SGCD: variants seen among roughly 807,000 people sequenced by gnomAD.
SGCD encodes sarcoglycan delta.
In SGCD, 18 loss-of-function variants were observed where a neutral mutation model predicts 36.6. The ratio of observed to expected loss-of-function variants is 0.49; its 90% CI spans 0.34 to 0.73. SGCD has a LOEUF of 0.73. SGCD is among the 30% of genes least tolerant of loss of function. SGCD has a pLI of 0.01. For missense variants in SGCD, 387 were observed against 346.7 expected, an observed-to-expected ratio of 1.12 and a Z score of -0.92; for synonymous variants, 133 against 130.6, an observed-to-expected ratio of 1.02 and a Z score of -0.12.
At chr5:156,409,796 A>G (rs1436188120) in intron 3 of SGCD, among the ~76,000 whole-genome samples, 2 of 152,218 alleles carry the variant, frequency 1.3e-5, no homozygotes, top group African/African-American at 4.8e-5. Context: ...GTAGCTATTA[A>G]TATTATCTGC....
At chr5:156,715,108 A>G (rs1436721814) in intron 7 of SGCD, among the ~76,000 whole-genome samples, 1 of 152,190 alleles carries the variant, frequency 6.6e-6, no homozygotes, top group Non-Finnish European at 1.5e-5. Context: ...TCAGGAAACC[A>G]TCTTCCATTC....
chr5:156,584,892 G>A (rs1244293299), intron 4 of SGCD, among the ~76,000 whole-genome samples: 2 of 152,052 alleles, frequency 1.3e-5, no homozygotes, highest in East Asian at 3.8e-4. Flanking sequence ...CTCACTCTCT[G>A]TTGACTCTTA....
At chr5:156,076,871 G>A (rs543802789) in intron 1 of SGCD, among the ~76,000 whole-genome samples, 169 of 152,226 alleles carry the variant, frequency 1.1e-3, no homozygotes, top group Non-Finnish European at 2.1e-3. Context: ...TGTATAAGGC[G>A]TCAATGACTT....
intron 3 of SGCD, among the ~76,000 whole-genome samples, chr5:156,306,556 C>CACTGTATT (rs1310645910): frequency 6.6e-6 from 1 of 152,204 alleles, no homozygotes; most frequent in Non-Finnish European, 1.5e-5. Context: ...GTCTCACCAT[C>CACTGTATT]ACTGTATTCT....
intron 1 of SGCD, among the ~76,000 whole-genome samples, chr5:156,006,321 C>A (rs1354765264): frequency 6.6e-6 from 1 of 152,102 alleles, no homozygotes; most frequent in Admixed American, 6.5e-5. Context: ...AATTCAGTAC[C>A]AAAGTCAAAA....
At chr5:156,300,007 T>A (rs1412075582) in intron 3 of SGCD, among the ~76,000 whole-genome samples, 1 of 152,134 alleles carries the variant, frequency 6.6e-6, no homozygotes, top group African/African-American at 2.4e-5. Context: ...CTTGTCATGT[T>A]CCTGATCTCG....
intron 4 of SGCD, among the ~76,000 whole-genome samples, chr5:156,523,418 T>G (rs1364295232): frequency 1.3e-5 from 2 of 152,142 alleles, no homozygotes; most frequent in African/African-American, 4.8e-5. Flanking sequence ...TTATGGATGA[T>G]CTAATCACTG....
intron 4 of SGCD, among the ~76,000 whole-genome samples, chr5:156,521,016 CAAAAAAAAAAAA>C (rs3075012): frequency 1.8e-5 from 1 of 56,740 alleles, no homozygotes; most frequent in Non-Finnish European, 3.4e-5. Flanking sequence ...GACTCCGTCT[CAAAAAAAAAAAA>C]AAAAAAAAAA....
intron 3 of SGCD, among the ~76,000 whole-genome samples, chr5:156,455,707 C>T (rs924588491): frequency 6.6e-6 from 1 of 152,138 alleles, no homozygotes; most frequent in African/African-American, 2.4e-5. Context: ...TGATTGAAGG[C>T]TTGATTTTTA....
chr5:156,247,631 A>C (rs534476316), intron 3 of SGCD, among the ~76,000 whole-genome samples: 2,383 of 152,352 alleles, frequency 0.016, 36 homozygotes, highest in Non-Finnish European at 0.024. Context: ...GAAAGAAATC[A>C]AAAGGATGTT....
chr5:155,999,943 A>G (rs1379245929), intron 1 of SGCD, among the ~76,000 whole-genome samples: 1 of 152,206 alleles, frequency 6.6e-6, no homozygotes, highest in African/African-American at 2.4e-5. Context: ...AAACGTTATG[A>G]ATCATGTTAG....
chr5:155,755,704 C>G, the SGCD span, among the ~76,000 whole-genome samples: 5 of 152,242 alleles, frequency 3.3e-5, no homozygotes, highest in East Asian at 5.8e-4. Flanking sequence ...TTCTTGTAAC[C>G]CTGACAATAT....
At chr5:156,416,406 G>A (rs956453132) in intron 3 of SGCD, among the ~76,000 whole-genome samples, 1 of 151,978 alleles carries the variant, frequency 6.6e-6, no homozygotes, top group African/African-American at 2.4e-5. Flanking sequence ...CTACACGTTG[G>A]GTACAGTGTA....
chr5:156,350,411 G>C (rs1165607670), intron 3 of SGCD, among the ~76,000 whole-genome samples: 1 of 151,744 alleles, frequency 6.6e-6, no homozygotes, highest in Non-Finnish European at 1.5e-5. Flanking sequence ...GATGTCATCT[G>C]AAAGTGTTTG....
intron 6 of SGCD, among the ~76,000 whole-genome samples, chr5:156,624,431 A>C (rs1263636420): frequency 6.6e-6 from 1 of 152,094 alleles, no homozygotes; most frequent in African/African-American, 2.4e-5. Context: ...AATACAAAAA[A>C]TTAGCCGGGC....
At chr5:156,268,163 T>A (rs1340927876) in intron 3 of SGCD, among the ~76,000 whole-genome samples, 2 of 152,218 alleles carry the variant, frequency 1.3e-5, no homozygotes, top group Non-Finnish European at 2.9e-5. Flanking sequence ...AAAAACATGA[T>A]CCCATTCTTT....
At chr5:156,285,400 A>T (rs981717027) in intron 3 of SGCD, among the ~76,000 whole-genome samples, 4 of 152,358 alleles carry the variant, frequency 2.6e-5, no homozygotes, top group East Asian at 1.9e-4. Context: ...AGCTGGAGGC[A>T]TCATGCTACC....
chr5:156,610,203 A>G (rs944004831), intron 6 of SGCD, among the ~76,000 whole-genome samples: 2 of 151,948 alleles, frequency 1.3e-5, no homozygotes, highest in African/African-American at 2.4e-5. Context: ...GATGATGGTG[A>G]TGTACAGATG....
Position 156,057,540 on chromosome 5 carries a change from C to T in SGCD, c.-281-60338C>T, listed in dbSNP as rs574065280. On this transcript the variant is annotated intron_variant, in intron 1 of 9. Coordinates refer to the SGCD transcript ENST00000517913. ...AACAAAACATCTTTAGTAAATCTGT[C>T]CTCTGAAAAAGGCCAGAGAAAATGA... 4.8e-5 allele frequency among the ~76,000 whole-genome samples: 7 copies of T among 146,572 alleles called. No individual in the cohort carries two copies. The East Asian group carries it at 1.4e-3, about 28-fold the overall frequency.
Sources: gnomAD v4.1 joint callset for allele counts (sites outside exome capture counted in the v4.1 genomes callset) on GRCh38, gnomAD v4.1.1 for gene constraint, MANE v1.5 for transcripts, NCBI Gene and HGNC (gene_info 2026-07-23, HGNC 2026-07-21) for gene names.